Variants in CASZ1 observed in about 807,000 individuals in gnomAD.
The protein encoded by CASZ1 is zinc finger protein castor homolog 1.
Under a neutral mutation model 135.2 loss-of-function variants are expected in CASZ1, and 28 were observed. The ratio of observed to expected loss-of-function variants is 0.21; its 90% CI spans 0.15 to 0.28. The LOEUF (loss-of-function observed/expected upper bound fraction) is 0.28, where lower values mean the gene tolerates loss of function less well. Among genes scored for constraint, CASZ1 ranks in the 10% least tolerant of loss-of-function variants. The pLI, the probability that CASZ1 is intolerant of heterozygous loss-of-function variation, is 1.00. For synonymous variants in CASZ1, 1,068 were observed against 1,073.4 expected (o/e 0.99, Z 0.10); for missense variants, 2,161 against 2,453.3 (o/e 0.88, Z 2.52).
intron 20 of CASZ1, among the ~76,000 whole-genome samples, chr1:10,640,331 G>C (rs1302850630): frequency 6.6e-6 from 1 of 152,246 alleles, no homozygotes; most frequent in Non-Finnish European, 1.5e-5. Flanking sequence ...AGCTCTGGGG[G>C]ACGTGGTGGC....
At chr1:10,661,538 G>C (rs1643026375) in intron 5 of CASZ1, 1 of 135,500 alleles carries the variant, frequency 7.4e-6, no homozygotes, top group Non-Finnish European at 1.6e-5. Context: ...CACACACACA[G>C]TGACATTCAC....
At chr1:10,770,336 C>T (rs2100591993) in intron 1 of CASZ1, among the ~76,000 whole-genome samples, 1 of 152,016 alleles carries the variant, frequency 6.6e-6, no homozygotes, top group East Asian at 1.9e-4. Context: ...CTGTCTGCTT[C>T]AGCCTCCCAA....
At position 10,789,286 on chromosome 1, in the gene CASZ1, C is replaced by T. The variant is rs1193904881; in HGVS notation, c.-234+7278G>A. On this transcript the variant is annotated intron_variant, in intron 1 of 20. Coordinates refer to ENST00000377022, the MANE Select transcript of CASZ1 (RefSeq NM_001079843.3). ...ATCCCACCTGGGACATCTTGGGGTC[C>T]CCCCACCCCAGCCTCCAGGCCTCCT... 3.3e-5 allele frequency among the ~76,000 whole-genome samples: 5 copies of T among 151,134 alleles called. No individual in the cohort carries two copies. The East Asian group carries it at 9.9e-4, about 30-fold the overall frequency.
chr1:10,693,147 A>G (rs889889340), intron 4 of CASZ1, among the ~76,000 whole-genome samples: 3 of 152,026 alleles, frequency 2.0e-5, no homozygotes, highest in Non-Finnish European at 4.4e-5. Flanking sequence ...GAGGCCCCCA[A>G]ACCCAGATGC....
chr1:10,785,832 G>C (rs1292176794), intron 1 of CASZ1, among the ~76,000 whole-genome samples: 1 of 152,252 alleles, frequency 6.6e-6, no homozygotes, highest in Non-Finnish European at 1.5e-5. Flanking sequence ...CTCACTAGCA[G>C]TGTGCGTTCC....
rs1252598127 is a variant in CASZ1, at chr1:10,657,075, G to T, written c.1410-339C>A. On this transcript the variant is annotated intron_variant, in intron 7 of 20. Coordinates refer to ENST00000377022, the MANE Select transcript of CASZ1 (RefSeq NM_001079843.3). This position sits in a 1 kb window ranked among gnomAD's most constrained non-coding sequence, Gnocchi z 5.7. ...GCAGGGGCTACCTGCCCCACTCCCA[G>T]CCCGCCCAGTTCTGGCCAGGTGCAG... 6.6e-6 allele frequency among the ~76,000 whole-genome samples: 1 copy of T among 152,190 alleles called. No individual in the cohort carries two copies. Among genetic ancestry groups the T allele is most frequent in the Non-Finnish European group, 1.5e-5 (1 of 68,022 alleles).
At position 10,735,364 on chromosome 1, in the gene CASZ1, C is replaced by A. The variant is rs547558894; in HGVS notation, c.-77+25337G>T. The stretch of plus-strand genomic sequence containing the variant: ...GGCCCCAAGCTGCATTCTGAGCTGA[C>A]GAGAGAGGCGCCTGCAAACGCAGGC... On this transcript the variant is annotated intron_variant, in intron 2 of 20. Transcript: ENST00000377022. The surrounding 1 kb of genome is among the most constrained non-coding windows in gnomAD (Gnocchi z 5.1). 6.6e-6 allele frequency among the ~76,000 whole-genome samples: 1 copy of A among 152,208 alleles called. No homozygotes were observed. The highest frequency in any genetic ancestry group is 6.5e-5 in the Admixed American group (1 of 15,292).
intron 1 of CASZ1, among the ~76,000 whole-genome samples, chr1:10,771,494 C>T (rs2100593961): frequency 6.7e-6 from 1 of 150,370 alleles, no homozygotes; most frequent in East Asian, 1.9e-4. Flanking sequence ...CCAGAAATTA[C>T]ATCACAAAAA....
rs189246621 is a variant in CASZ1 at position 10,782,529 on chromosome 1, C to T, written c.-234+14035G>A. ...CCACCGACTCCCCAGCTGCCAGGGA[C>T]GAGGTCCTGGGACTGAGCGGCAGGT... On this transcript the variant is annotated intron_variant, in intron 1 of 20. Transcript: ENST00000377022. Among the ~76,000 whole-genome samples, 298 of 152,356 alleles carry T rather than the reference C, an allele frequency of 2.0e-3. 2 individuals carry two copies. Among genetic ancestry groups the T allele is most frequent in the Middle Eastern group, 6.8e-3 (2 of 294 alleles).
chr1:10,690,383 C>T (rs1638724754), intron 4 of CASZ1, among the ~76,000 whole-genome samples: 1 of 152,202 alleles, frequency 6.6e-6, no homozygotes, highest in African/African-American at 2.4e-5. Context: ...TCAGCTTAGA[C>T]ACCGTCTAGA....
chr1:10,680,298 G>C (rs539928063), intron 4 of CASZ1, among the ~76,000 whole-genome samples: 1 of 151,462 alleles, frequency 6.6e-6, no homozygotes, highest in African/African-American at 2.4e-5. Context: ...TGGAGGGGAG[G>C]GGGGTGCGAG....
At chr1:10,778,033 TCACA>T (rs1010830891) in intron 1 of CASZ1, among the ~76,000 whole-genome samples, 1 of 150,536 alleles carries the variant, frequency 6.6e-6, no homozygotes, top group Non-Finnish European at 1.5e-5. Context: ...TCACACACAA[TCACA>T]CACAATCATA....
At position 10,717,045 on chromosome 1, in the gene CASZ1, C is replaced by T. The variant is rs1639407727; in HGVS notation, c.-76-11501G>A. On this transcript the variant is annotated intron_variant, in intron 2 of 20. Transcript: ENST00000377022. This position sits in a 1 kb window ranked among gnomAD's most constrained non-coding sequence, Gnocchi z 4.6. ...CAGAGGGCTGGGCCTCAGGGCTCCC[C>T]TAGAGAGACTCAGATGGGCTGGGCT... Among the ~76,000 whole-genome samples the T allele has an allele frequency of 6.6e-6, 1 of 152,160 alleles. No individual in the cohort carries two copies. Among genetic ancestry groups the T allele is most frequent in the African/African-American group, 2.4e-5 (1 of 41,448 alleles).
At chr1:10,728,475 T>G (rs1639636211) in intron 2 of CASZ1, among the ~76,000 whole-genome samples, 1 of 152,230 alleles carries the variant, frequency 6.6e-6, no homozygotes, top group African/African-American at 2.4e-5. Flanking sequence ...TGGTTAAATT[T>G]TCATTTGTGT....
rs1451884781 is a variant in CASZ1 at position 10,666,046 on chromosome 1, T to C, written c.17-475A>G. Reference sequence around the variant, plus strand: ...TTGTTCCGCTTGGGAGCGTCCTGCCTTACCACACGTTCCTGGGGAGGAGTC... The same window carrying C: ...TTGTTCCGCTTGGGAGCGTCCTGCCCTACCACACGTTCCTGGGGAGGAGTC... On this transcript the variant is annotated intron_variant, in intron 4 of 20. Coordinates refer to ENST00000377022, the MANE Select transcript of CASZ1 (RefSeq NM_001079843.3). This position sits in a 1 kb window ranked among gnomAD's most constrained non-coding sequence, Gnocchi z 5.2. Among the ~76,000 whole-genome samples the C allele has an allele frequency of 6.6e-6, 1 of 152,126 alleles. No homozygotes were observed. Among genetic ancestry groups the C allele is most frequent in the African/African-American group, 2.4e-5 (1 of 41,434 alleles).
Position 10,767,803 on chromosome 1 carries a change from C to G in CASZ1, c.-233-6946G>C, listed in dbSNP as rs985738359. Among the ~76,000 whole-genome samples, 1 of 152,194 alleles carries G rather than the reference C, an allele frequency of 6.6e-6. No individual in the cohort carries two copies. Among genetic ancestry groups the G allele is most frequent in the African/African-American group, 2.4e-5 (1 of 41,446 alleles). On this transcript the variant is annotated intron_variant, in intron 1 of 20. Transcript: ENST00000377022. The surrounding 1 kb of genome is among the most constrained non-coding windows in gnomAD (Gnocchi z 4.2). ...GGTTGCAGCTCCCTGTCTGTCTTGC[C>G]CACTGCCCCGGGGATCACTTCCCTC...
chr1:10,796,407 C>CTCGA (rs1301301588), intron 1 of CASZ1, among the ~76,000 whole-genome samples, 157 bp downstream of exon 1: 13 of 152,000 alleles, frequency 8.6e-5, no homozygotes, highest in Non-Finnish European at 1.9e-4. Flanking sequence ...GGCTGGCTCG[C>CTCGA]TCGCTCGCTC....
intron 4 of CASZ1, among the ~76,000 whole-genome samples, chr1:10,687,457 G>C (rs1490849282): frequency 6.6e-6 from 1 of 152,262 alleles, no homozygotes; most frequent in East Asian, 1.9e-4. Context: ...CATTCTAAGA[G>C]CAGATGCCCC....
chr1:10,725,076 G>T lies in CASZ1; in HGVS notation c.-76-19532C>A, dbSNP rs1456774246. ...GGAAGCAGCCCTCGCAGACGTGCAGGTGGCTGTTCTTCCCTGGAGGGAGGG... is the reference window on the plus strand; with the variant it reads ...GGAAGCAGCCCTCGCAGACGTGCAGTTGGCTGTTCTTCCCTGGAGGGAGGG... On this transcript the variant is annotated intron_variant, in intron 2 of 20. Transcript: ENST00000377022. This position sits in a 1 kb window ranked among gnomAD's most constrained non-coding sequence, Gnocchi z 4.4. 6.6e-6 allele frequency among the ~76,000 whole-genome samples: 1 copy of T among 152,250 alleles called. No homozygotes were observed. The highest frequency in any genetic ancestry group is 1.5e-5 in the Non-Finnish European group (1 of 68,036).
Sources: gnomAD v4.1 joint callset for allele counts (sites outside exome capture counted in the v4.1 genomes callset) on GRCh38, gnomAD v4.1.1 for gene constraint, Gnocchi (gnomAD v3.1) non-coding constraint, MANE v1.5 for transcripts, NCBI Gene and HGNC (gene_info 2026-07-23, HGNC 2026-07-21) for gene names.